FXR1: variants seen among roughly 807,000 people sequenced by gnomAD.
FXR1 encodes the protein FMR1 autosomal homolog 1.
Under a neutral mutation model 84.0 loss-of-function variants are expected in FXR1, and 15 were observed. That is an observed-to-expected ratio of 0.18 (90% CI 0.12 to 0.27). The LOEUF (loss-of-function observed/expected upper bound fraction) is 0.27. Among genes scored for constraint, FXR1 ranks in the 10% least tolerant of loss-of-function variants. The probability of loss-of-function intolerance (pLI) is 1.00; values close to 1 mark genes in which losing one functional copy is unlikely to be tolerated. For missense variants in FXR1, 480 were observed against 774.4 expected (o/e 0.62, Z 4.51); for synonymous variants, 245 against 250.7 (o/e 0.98, Z 0.21).
intron 9 of FXR1, 80 bp downstream of exon 9, chr3:180,953,920 T>G: frequency 1.4e-6 from 1 of 730,310 alleles, no homozygotes; most frequent in South Asian, 1.6e-5. Context: ...AAACTAGTCT[T>G]GTAGTCTGAT....
intron 1 of FXR1, among the ~76,000 whole-genome samples, chr3:180,914,412 A>G (rs555025654): frequency 2.0e-5 from 3 of 152,114 alleles, no homozygotes; most frequent in Non-Finnish European, 2.9e-5. Context: ...TTGGCCCTGT[A>G]GTTCTTGTAT....
intron 3 of FXR1, among the ~76,000 whole-genome samples, chr3:180,942,684 G>C (rs1721265195): frequency 6.6e-6 from 1 of 152,082 alleles, no homozygotes; most frequent in South Asian, 2.1e-4. Flanking sequence ...ACAGTCTCCT[G>C]GATTTTAGTA....
chr3:180,920,361 T>G (rs991970341), intron 1 of FXR1, among the ~76,000 whole-genome samples: 2 of 152,208 alleles, frequency 1.3e-5, no homozygotes, highest in Non-Finnish European at 2.9e-5. Context: ...CTTCATCATT[T>G]CTGATTTTGG....
chr3:180,942,377 C>CAAAAAAAAAAAAAAAAAA (rs765066164), intron 3 of FXR1, among the ~76,000 whole-genome samples: 1 of 31,128 alleles, frequency 3.2e-5, no homozygotes, highest in African/African-American at 1.1e-4. Context: ...GACTCCGTCT[C>CAAAAAAAAAAAAAAAAAA]AAAAAAAAAA....
chr3:180,917,722 G>A (rs1031074833), intron 1 of FXR1, among the ~76,000 whole-genome samples: 1 of 152,064 alleles, frequency 6.6e-6, no homozygotes, highest in African/African-American at 2.4e-5. Flanking sequence ...GCTGAGGTGC[G>A]TGGATCACGA....
intron 1 of FXR1, among the ~76,000 whole-genome samples, chr3:180,925,350 A>G (rs1719046403): frequency 6.9e-6 from 1 of 144,384 alleles, no homozygotes; most frequent in South Asian, 2.3e-4. Flanking sequence ...ACAGAGCGAG[A>G]CTCCATCTCA....
At chr3:180,975,428 T>TG in intron 16 of FXR1, 24 bp downstream of exon 16, 3 of 296,930 alleles carry the variant, frequency 1.0e-5, no homozygotes, top group Non-Finnish European at 5.4e-6. Context: ...AACCTGTAGG[T>TG]TTTTTTTTTT....
In FXR1 at chr3:180,979,605, G is replaced by A. The variant is rs1393396042; in HGVS notation, c.*3313G>A. The A allele has an allele frequency of 6.6e-6, 1 of 151,532 alleles. No individual in the cohort carries two copies. Among genetic ancestry groups the A allele is most frequent in the Non-Finnish European group, 1.5e-5 (1 of 67,838 alleles). The allele number at this position is 151,532 out of a possible 1,614,324, so 9.4% of individuals were successfully genotyped here. A position where few individuals can be genotyped will look rare whatever the true frequency, so the allele number is the denominator to read the frequency against. The stretch of plus-strand genomic sequence containing the variant: ...AGAACGTGTACTTGAATGGACTGTA[G>A]TTGCTCATAACCCATGTTAATCTCT... On this transcript the variant is annotated 3_prime_UTR_variant, in exon 17 of 17. Coordinates refer to ENST00000357559, the MANE Select transcript of FXR1 (RefSeq NM_005087.4).
chr3:180,956,349 A>G (rs1260992691), intron 9 of FXR1, among the ~76,000 whole-genome samples: 1 of 152,176 alleles, frequency 6.6e-6, no homozygotes, highest in Non-Finnish European at 1.5e-5. Flanking sequence ...GTTTGTCAAT[A>G]TGGTCTGGAA....
chr3:180,928,093 T>G (rs894228964), intron 1 of FXR1, among the ~76,000 whole-genome samples: 2 of 151,716 alleles, frequency 1.3e-5, no homozygotes, highest in South Asian at 2.1e-4. Flanking sequence ...TGTTACTGAT[T>G]TTTTTTTGAA....
chr3:180,953,202 G>C (rs1722410406), intron 8 of FXR1, among the ~76,000 whole-genome samples: 1 of 152,164 alleles, frequency 6.6e-6, no homozygotes, highest in Non-Finnish European at 1.5e-5. Flanking sequence ...TTGAGAAGTA[G>C]AAAGTCTGTG....
At chr3:180,928,678 G>T (rs543164718) in intron 1 of FXR1, among the ~76,000 whole-genome samples, 73 of 152,142 alleles carry the variant, frequency 4.8e-4, no homozygotes, top group African/African-American at 1.7e-3. Flanking sequence ...GGTTGTTGCT[G>T]TAAGTAGAAT....
At chr3:180,945,965 C>T (rs1372191986) in intron 3 of FXR1, among the ~76,000 whole-genome samples, 1 of 152,180 alleles carries the variant, frequency 6.6e-6, no homozygotes, top group Non-Finnish European at 1.5e-5. Context: ...CCATCTCAGA[C>T]TTCATAGTCT....
intron 9 of FXR1, among the ~76,000 whole-genome samples, chr3:180,955,322 C>T (rs1722645525): frequency 6.6e-6 from 1 of 152,068 alleles, no homozygotes; most frequent in African/African-American, 2.4e-5. Context: ...CAATTCTCCT[C>T]AAACATTTGG....
intron 1 of FXR1, among the ~76,000 whole-genome samples, chr3:180,920,528 T>C (rs1432220530): frequency 6.6e-6 from 1 of 151,662 alleles, no homozygotes; most frequent in Middle Eastern, 3.2e-3. Context: ...TTTTTTTTTT[T>C]TTTTTTTGAG....
chr3:180,958,631 T>C (rs966809538), intron 10 of FXR1, among the ~76,000 whole-genome samples: 1 of 152,044 alleles, frequency 6.6e-6, no homozygotes, highest in African/African-American at 2.4e-5. Context: ...TATCCACCCA[T>C]TGGTTGATGG....
intron 11 of FXR1, among the ~76,000 whole-genome samples, chr3:180,962,216 C>A (rs1299389150): frequency 1.3e-5 from 2 of 152,122 alleles, no homozygotes; most frequent in Admixed American, 1.3e-4. Flanking sequence ...GTTTTCCTCC[C>A]AGTCTGTCGT....
intron 3 of FXR1, among the ~76,000 whole-genome samples, chr3:180,939,174 G>A (rs1334658104): frequency 2.0e-5 from 3 of 152,110 alleles, no homozygotes; most frequent in Middle Eastern, 3.2e-3. Flanking sequence ...GATTATAGGC[G>A]TGAGACACTG....
intron 3 of FXR1, among the ~76,000 whole-genome samples, chr3:180,944,778 A>G (rs956588148): frequency 6.6e-6 from 1 of 152,166 alleles, no homozygotes; most frequent in African/African-American, 2.4e-5. Context: ...ACATGCCACC[A>G]TGCCTGGCTA....
Sources: allele counts gnomAD v4.1 joint callset (sites outside exome capture counted in the v4.1 genomes callset), GRCh38; gene constraint gnomAD v4.1.1; transcripts MANE v1.5; gene names NCBI Gene and HGNC (gene_info 2026-07-23, HGNC 2026-07-21).